The following ZNF423 variants were observed in gnomAD, a reference collection of about 807,000 sequenced individuals.
The protein encoded by ZNF423 is zinc finger protein 423.
ZNF423 carries 12 observed loss-of-function variants against 95.8 expected under a neutral mutation model. The observed-to-expected ratio is 0.13, with a 90% CI of 0.08 to 0.20. ZNF423 has a LOEUF of 0.20. Ranked by LOEUF, ZNF423 falls within the 10% of genes least tolerant of loss-of-function variation. ZNF423 has a pLI of 1.00. For missense variants in ZNF423, 1,316 were observed against 1,737.1 expected, an observed-to-expected ratio of 0.76 and a Z score of 4.31; for synonymous variants, 749 against 711.9, an observed-to-expected ratio of 1.05 and a Z score of -0.83.
chr16:49,727,824 T>A lies in ZNF423; in HGVS notation c.301+2947A>T, dbSNP rs564850336. On this transcript the variant is annotated intron_variant, in intron 3 of 7. Transcript: ENST00000563137. ...GCAGGGCACCATGGTCTGCCCAGCC[T>A]GCGCCCAGCGCGGCCCTCTCGGACA... Among the ~76,000 whole-genome samples the A allele has an allele frequency of 7.2e-5, 11 of 152,348 alleles. No homozygotes were observed. In the East Asian group the frequency reaches 2.1e-3, roughly 29 times the overall value.
intron 7 of ZNF423, among the ~76,000 whole-genome samples, chr16:49,496,427 T>C (rs1390115479): frequency 3.3e-5 from 5 of 152,122 alleles, no homozygotes; most frequent in Non-Finnish European, 7.4e-5. Flanking sequence ...CCATTAGATC[T>C]GCTTGTTAAA....
At chr16:49,797,530 C>T (rs749291327) in intron 1 of ZNF423, among the ~76,000 whole-genome samples, 1 of 152,214 alleles carries the variant, frequency 6.6e-6, no homozygotes, top group African/African-American at 2.4e-5. Flanking sequence ...CTCCAGGCTC[C>T]TTTCAGGTGG....
At chr16:49,790,542 G>T (rs1385287935) in intron 1 of ZNF423, among the ~76,000 whole-genome samples, 1 of 152,224 alleles carries the variant, frequency 6.6e-6, no homozygotes, top group Non-Finnish European at 1.5e-5. Context: ...GTTGACCGGG[G>T]TACAAAGGAT....
At chr16:49,628,534 T>TATCC (rs60254976) in intron 4 of ZNF423, among the ~76,000 whole-genome samples, 21,142 of 150,936 alleles carry the variant, frequency 0.14, 2,124 homozygotes, top group African/African-American at 0.27. Context: ...TCCATCCATC[T>TATCC]ATCCATCCAT....
At chr16:49,499,700 G>A (rs1241565174) in intron 7 of ZNF423, among the ~76,000 whole-genome samples, 1 of 152,146 alleles carries the variant, frequency 6.6e-6, no homozygotes, top group Non-Finnish European at 1.5e-5. Context: ...CAGGTGGCTT[G>A]GTCAACAATC....
chr16:49,637,079 G>C lies in ZNF423; in HGVS notation c.2097C>G (p.His699Gln), dbSNP rs764024246. 6.2e-7 allele frequency: 1 copy of C among 1,613,772 alleles called. No individual in the cohort carries two copies. Among genetic ancestry groups the C allele is most frequent in the Non-Finnish European group, 8.5e-7 (1 of 1,180,030 alleles). ...GCTTGTCGCAGCTCTCGCACACATA[G>C]TGGGTCGACGTGGTCATGTAATGCA... ...LTVHYMTTST[H>Q]YVCESCDKQF... is the part of the protein sequence containing the mutation. Residue 699 changes from histidine to glutamine, a missense_variant, in exon 4 of 8, where the codon CAC (histidine) becomes CAG (glutamine). Physicochemically the swap from His to Gln is conservative, Grantham distance 24. Coordinates refer to ENST00000563137, the MANE Select transcript of ZNF423 (RefSeq NM_001379286.1). This position sits in a 1 kb window ranked among gnomAD's most constrained non-coding sequence, Gnocchi z 5.6.
Position 49,530,819 on chromosome 16 carries a change from G to GGCAGGGCAGA in ZNF423, c.3602-5335_3602-5326dup, listed in dbSNP as rs1468041152. On this transcript the variant is annotated intron_variant, in intron 5 of 7. Transcript: ENST00000563137. ...GAGGCAGGGCCCCTAACAGGGATGT[G>GGCAGGGCAGA]GCAGGGCAGAGCAGGGCAGAGCGGG... 5.9e-5 allele frequency among the ~76,000 whole-genome samples: 9 copies of GGCAGGGCAGA among 152,302 alleles called. No homozygotes were observed. The South Asian group carries it at 8.3e-4, about 14-fold the overall frequency.
intron 1 of ZNF423, among the ~76,000 whole-genome samples, chr16:49,798,230 A>G (rs1336281219): frequency 6.6e-6 from 1 of 152,146 alleles, no homozygotes; most frequent in African/African-American, 2.4e-5. Context: ...AAAGAAGGCC[A>G]GGTGCAGAGG....
chr16:49,709,394 T>G (rs1244695484), intron 3 of ZNF423, among the ~76,000 whole-genome samples: 2 of 151,944 alleles, frequency 1.3e-5, no homozygotes, highest in Non-Finnish European at 2.9e-5. Flanking sequence ...ATCATCTTAG[T>G]GCCCGAGAGG....
chr16:49,818,920 A>C (rs1301414219), intron 1 of ZNF423, among the ~76,000 whole-genome samples: 1 of 152,084 alleles, frequency 6.6e-6, no homozygotes, highest in Middle Eastern at 3.4e-3. Context: ...CATATTGTTA[A>C]AATAAATATT....
intron 7 of ZNF423, among the ~76,000 whole-genome samples, chr16:49,516,204 C>T (rs1968137110): frequency 6.6e-6 from 1 of 152,196 alleles, no homozygotes; most frequent in Non-Finnish European, 1.5e-5. Flanking sequence ...GCACCTGGCT[C>T]CTCCCAATGC....
At chr16:49,792,664 T>A (rs1156342562) in intron 1 of ZNF423, among the ~76,000 whole-genome samples, 1 of 152,238 alleles carries the variant, frequency 6.6e-6, no homozygotes, top group African/African-American at 2.4e-5. Context: ...TGCCCTCCTC[T>A]AGCCCATATT....
At chr16:49,765,733 A>AT (rs1400517702) in intron 2 of ZNF423, among the ~76,000 whole-genome samples, 1 of 152,218 alleles carries the variant, frequency 6.6e-6, no homozygotes, top group East Asian at 1.9e-4. Flanking sequence ...AAATAAAAAA[A>AT]TAAGTCAAAG....
intron 7 of ZNF423, among the ~76,000 whole-genome samples, chr16:49,511,831 CA>C: frequency 6.6e-6 from 1 of 152,150 alleles, no homozygotes; most frequent in African/African-American, 2.4e-5. Flanking sequence ...CCCCACTTGA[CA>C]GTAAATAAAC....
chr16:49,777,360 C>T (rs2034138992), intron 2 of ZNF423, among the ~76,000 whole-genome samples: 1 of 152,174 alleles, frequency 6.6e-6, no homozygotes, highest in African/African-American at 2.4e-5. Flanking sequence ...AGTACATTTG[C>T]ACTGAGTGAG....
intron 2 of ZNF423, among the ~76,000 whole-genome samples, chr16:49,744,275 G>T (rs7204340): frequency 6.6e-6 from 1 of 152,256 alleles, no homozygotes; most frequent in Non-Finnish European, 1.5e-5. Context: ...AGCATGACAC[G>T]TCTGCCACAG....
At chr16:49,755,502 T>C (rs535085755) in intron 2 of ZNF423, among the ~76,000 whole-genome samples, 4 of 152,178 alleles carry the variant, frequency 2.6e-5, no homozygotes, top group Non-Finnish European at 5.9e-5. Flanking sequence ...TGGCTAATAA[T>C]GACCCTCTTT....
At chr16:49,528,628 C>T (rs560942242) in intron 5 of ZNF423, among the ~76,000 whole-genome samples, 3 of 152,310 alleles carry the variant, frequency 2.0e-5, no homozygotes, top group Admixed American at 1.3e-4. Context: ...CTGGGACTCG[C>T]TCCCACTCAA....
chr16:49,545,459 C>A (rs1288620119), intron 5 of ZNF423, among the ~76,000 whole-genome samples: 1 of 152,132 alleles, frequency 6.6e-6, no homozygotes, highest in African/African-American at 2.4e-5. Context: ...GACCATGCCA[C>A]CCCATCAACC....
Sources: allele counts gnomAD v4.1 joint callset (sites outside exome capture counted in the v4.1 genomes callset), GRCh38; gene constraint gnomAD v4.1.1; non-coding constraint Gnocchi (gnomAD v3.1); transcripts MANE v1.5; gene names NCBI Gene and HGNC (gene_info 2026-07-23, HGNC 2026-07-21).